Variants in PPP2R2C observed in about 807,000 individuals in gnomAD.
PPP2R2C encodes the protein protein phosphatase 2, regulatory subunit B, gamma.
PPP2R2C carries 10 observed loss-of-function variants against 45.3 expected under a neutral mutation model. That is an observed-to-expected ratio of 0.22 (90% CI 0.14 to 0.37). The LOEUF (loss-of-function observed/expected upper bound fraction) is 0.37. Among genes scored for constraint, PPP2R2C ranks in the 10% least tolerant of loss-of-function variants. PPP2R2C has a pLI of 1.00. For missense variants in PPP2R2C, 308 were observed against 619.7 expected (o/e 0.50, Z 5.34); for synonymous variants, 257 against 245.4 (o/e 1.05, Z -0.44).
chr4:6,419,717 G>T (rs1718842825), intron 1 of PPP2R2C, among the ~76,000 whole-genome samples: 2 of 152,168 alleles, frequency 1.3e-5, no homozygotes, highest in Admixed American at 6.5e-5. Context: ...AGTTCTGGAG[G>T]CCAGGAATGT....
At position 6,375,901 on chromosome 4, in the gene PPP2R2C, T is replaced by C. The variant is rs759067979; in HGVS notation, c.365A>G (p.Glu122Gly). The change falls in exon 4 of 9, where the codon GAA becomes GGA. Residue 122 changes from glutamate (E) to glycine (G), a missense_variant. Transcript: ENST00000382599. ...GTATCCTTCGGGCCTTTTATCTCGT[T>C]CGGTAATCTTCCATAATTTGATAGT... ...DKTIKLWKIT[E>G]RDKRPEGYNL... The C allele has an allele frequency of 6.2e-7, 1 of 1,613,960 alleles. No homozygotes were observed. Among genetic ancestry groups the C allele is most frequent in the Non-Finnish European group, 8.5e-7 (1 of 1,179,866 alleles).
intron 1 of PPP2R2C, among the ~76,000 whole-genome samples, chr4:6,386,501 TAGA>T (rs1163403966): frequency 1.3e-5 from 2 of 152,158 alleles, no homozygotes; most frequent in African/African-American, 2.4e-5. Flanking sequence ...CAGCCAGGGC[TAGA>T]AGAAGTGAAC....
chr4:6,381,583 G>C, intron 1 of PPP2R2C: 1 of 1,439,116 alleles, frequency 6.9e-7, no homozygotes, highest in Non-Finnish European at 9.1e-7. Flanking sequence ...CAGTAGGACA[G>C]AGGTGAATTA....
chr4:6,459,884 G>A (rs895248341), intron 1 of PPP2R2C, among the ~76,000 whole-genome samples: 2 of 152,162 alleles, frequency 1.3e-5, no homozygotes, highest in African/African-American at 4.8e-5. Context: ...AAAGGGAGTT[G>A]TTAGTACCAA....
rs1037882814 is a variant in PPP2R2C, at chr4:6,328,192, C to T, written c.1052+1070G>A. On this transcript the variant is annotated intron_variant, in intron 8 of 8. Coordinates refer to ENST00000382599, the MANE Select transcript of PPP2R2C (RefSeq NM_020416.4). This position sits in a 1 kb window ranked among gnomAD's most constrained non-coding sequence, Gnocchi z 4.4. ...GTCAGGGCTGCTGGCTCTCACTCCA[C>T]CCTCCTTGCCCACCACACTGGACAG... Among the ~76,000 whole-genome samples the T allele has an allele frequency of 2.6e-5, 4 of 152,212 alleles. No individual in the cohort carries two copies. The highest frequency in any genetic ancestry group is 5.9e-5 in the Non-Finnish European group (4 of 68,038).
intron 8 of PPP2R2C, among the ~76,000 whole-genome samples, chr4:6,327,849 G>A (rs976656519): frequency 6.6e-6 from 1 of 152,174 alleles, no homozygotes; most frequent in African/African-American, 2.4e-5. Context: ...GCGGGCTGGG[G>A]GAGCTCCAGG....
chr4:6,482,141 C>G (rs1722375589), intron 2 of PPP2R2C, among the ~76,000 whole-genome samples: 1 of 152,192 alleles, frequency 6.6e-6, no homozygotes, highest in Non-Finnish European at 1.5e-5. Context: ...TTCAGCTCTT[C>G]TTTCATGTCC....
chr4:6,429,664 G>A (rs1022053443), intron 1 of PPP2R2C, among the ~76,000 whole-genome samples: 6 of 152,246 alleles, frequency 3.9e-5, no homozygotes, highest in African/African-American at 7.2e-5. Flanking sequence ...AGAAAGCTCC[G>A]ACAGGGATGA....
At chr4:6,525,303 G>T (rs1724162828) in intron 2 of PPP2R2C, among the ~76,000 whole-genome samples, 1 of 152,094 alleles carries the variant, frequency 6.6e-6, no homozygotes, top group Admixed American at 6.5e-5. Flanking sequence ...TACTCGGGAG[G>T]CTGAGGCAGG....
intron 1 of PPP2R2C, among the ~76,000 whole-genome samples, chr4:6,458,293 G>A (rs754874521): frequency 6.6e-5 from 10 of 152,154 alleles, no homozygotes; most frequent in Admixed American, 1.3e-4. Flanking sequence ...TAGACCGGGT[G>A]GCTTATAAAC....
At chr4:6,355,993 GAAAAAAAAAAAAAA>G (rs61011461) in intron 5 of PPP2R2C, among the ~76,000 whole-genome samples, 2 of 97,904 alleles carry the variant, frequency 2.0e-5, no homozygotes, top group African/African-American at 6.9e-5. Flanking sequence ...ACTCTGCCTG[GAAAAAAAAAAAAAA>G]AAAAAAAAAG....
upstream of PPP2R2C, among the ~76,000 whole-genome samples, chr4:6,473,680 G>T (rs1289160173): frequency 6.6e-6 from 1 of 152,212 alleles, no homozygotes; most frequent in Admixed American, 6.5e-5. Flanking sequence ...TGTTTCAAAT[G>T]GTTCTGGGGG....
At chr4:6,350,664 C>G in intron 5 of PPP2R2C, 1 of 844,974 alleles carries the variant, frequency 1.2e-6, no homozygotes, top group Non-Finnish European at 1.3e-6. Context: ...ATTCCAGGTT[C>G]TCTCCCAAGG....
intron 4 of PPP2R2C, among the ~76,000 whole-genome samples, chr4:6,373,358 C>T (rs759909023): frequency 2.0e-5 from 3 of 152,194 alleles, no homozygotes; most frequent in Non-Finnish European, 4.4e-5. Flanking sequence ...TTTGTTACAG[C>T]GGTGGAGTTA....
chr4:6,520,982 A>T (rs1724000467), intron 2 of PPP2R2C, among the ~76,000 whole-genome samples: 1 of 152,240 alleles, frequency 6.6e-6, no homozygotes, highest in African/African-American at 2.4e-5. Flanking sequence ...TGGGGCTTAC[A>T]TACCTCCTTA....
chr4:6,449,842 G>T (rs1419233549), intron 1 of PPP2R2C, among the ~76,000 whole-genome samples: 3 of 152,316 alleles, frequency 2.0e-5, no homozygotes. Context: ...GAGACAGCCA[G>T]TCCTGGACAG....
intron 6 of PPP2R2C, among the ~76,000 whole-genome samples, chr4:6,343,228 A>G (rs1733586772): frequency 6.6e-6 from 1 of 152,230 alleles, no homozygotes; most frequent in African/African-American, 2.4e-5. Flanking sequence ...GCAGAAGGAC[A>G]GACACTTCAG....
chr4:6,337,112 G>GTATATATATATA lies in PPP2R2C; in HGVS notation c.791-3393_791-3382dup, dbSNP rs61657951. Among the ~76,000 whole-genome samples the GTATATATATATA allele has an allele frequency of 5.7e-3, 170 of 30,054 alleles. 23 individuals are homozygous for GTATATATATATA. The highest frequency in any genetic ancestry group is 9.3e-3 in the East Asian group (4 of 428). 19.7% of individuals were successfully genotyped at this position (30,054 alleles called of 152,430 possible). ...CATCTTTGTTTCTGTATGTGTGTGT[G>GTATATATATATA]TATATATATATATATATATATATAT... On this transcript the variant is annotated intron_variant, in intron 6 of 8. Coordinates refer to ENST00000382599, the MANE Select transcript of PPP2R2C (RefSeq NM_020416.4).
intron 2 of PPP2R2C, among the ~76,000 whole-genome samples, chr4:6,531,735 C>T (rs537835084): frequency 1.3e-5 from 2 of 152,220 alleles, no homozygotes; most frequent in Admixed American, 6.5e-5. Flanking sequence ...TTCCAACATA[C>T]GTCCACTTAA....
Sources: gnomAD v4.1 joint callset for allele counts (sites outside exome capture counted in the v4.1 genomes callset) on GRCh38, gnomAD v4.1.1 for gene constraint, Gnocchi (gnomAD v3.1) non-coding constraint, MANE v1.5 for transcripts, NCBI Gene and HGNC (gene_info 2026-07-23, HGNC 2026-07-21) for gene names.